CMIP: variants seen among roughly 807,000 people sequenced by gnomAD.
CMIP encodes C-Maf-inducing protein.
CMIP carries 13 observed loss-of-function variants against 97.3 expected under a neutral mutation model. That is an observed-to-expected ratio of 0.13 (90% CI 0.09 to 0.21). The LOEUF is 0.21. Ranked by LOEUF, CMIP falls within the 10% of genes least tolerant of loss-of-function variation. The probability of loss-of-function intolerance (pLI) is 1.00; values close to 1 mark genes in which losing one functional copy is unlikely to be tolerated. For synonymous variants in CMIP, 538 were observed against 436.3 expected (o/e 1.23, Z -2.91); for missense variants, 847 against 1,024.9 (o/e 0.83, Z 2.37).
chr16:81,489,611 G>C (rs894418592), intron 1 of CMIP, among the ~76,000 whole-genome samples: 1 of 152,170 alleles, frequency 6.6e-6, no homozygotes, highest in South Asian at 2.1e-4. Context: ...ACAGACCCAC[G>C]AGGCCACCAT....
At chr16:81,521,111 G>A (rs1369673172) in intron 1 of CMIP, among the ~76,000 whole-genome samples, 1 of 152,252 alleles carries the variant, frequency 6.6e-6, no homozygotes, top group Non-Finnish European at 1.5e-5. Context: ...TTGAGGAACA[G>A]GAGGAGGGCT....
intron 1 of CMIP, among the ~76,000 whole-genome samples, chr16:81,549,202 C>T (rs1175739983): frequency 6.6e-6 from 1 of 152,182 alleles, no homozygotes; most frequent in Non-Finnish European, 1.5e-5. Context: ...GAGGAGGGAG[C>T]CGGTCAACCT....
At chr16:81,446,599 C>T (rs530718353) in intron 1 of CMIP, among the ~76,000 whole-genome samples, 2 of 152,082 alleles carry the variant, frequency 1.3e-5, no homozygotes, top group Non-Finnish European at 2.9e-5. Context: ...TCCCTGGGGC[C>T]ACCGTGATCC....
At chr16:81,472,898 G>A (rs146619117) in intron 1 of CMIP, among the ~76,000 whole-genome samples, 1 of 152,150 alleles carries the variant, frequency 6.6e-6, no homozygotes, top group Non-Finnish European at 1.5e-5. Context: ...TGTTCCTTTC[G>A]GGGCTTGGCC....
intron 1 of CMIP, among the ~76,000 whole-genome samples, chr16:81,456,260 T>C (rs544647886): frequency 2.6e-4 from 39 of 152,314 alleles, no homozygotes; most frequent in African/African-American, 8.7e-4. Flanking sequence ...ATCATGACCA[T>C]TTCCTCCAGT....
chr16:81,494,010 G>C (rs965108528), intron 1 of CMIP, among the ~76,000 whole-genome samples: 2 of 152,218 alleles, frequency 1.3e-5, no homozygotes, highest in African/African-American at 4.8e-5. Flanking sequence ...AAAACAACCA[G>C]TGTGAGTATG....
At chr16:81,702,718 T>A (rs530604078) in intron 17 of CMIP, 49 bp downstream of exon 17, 42 of 1,567,626 alleles carry the variant, frequency 2.7e-5, no homozygotes, top group East Asian at 2.3e-4. Context: ...GGTGGGTTGG[T>A]CCTCTCTGTT....
Position 81,614,039 on chromosome 16 carries a change from C to T in CMIP, c.426+6347C>T, listed in dbSNP as rs1304981297. On this transcript the variant is annotated intron_variant, in intron 2 of 20. Coordinates refer to ENST00000537098, the MANE Select transcript of CMIP (RefSeq NM_198390.3). The surrounding 1 kb of genome is among the most constrained non-coding windows in gnomAD (Gnocchi z 5.3). ...CAGGCGATTCCAGGACAGTGTGATG[C>T]GTTAGGCGAGGCATTCTGGCCTGGT... 1.3e-5 allele frequency among the ~76,000 whole-genome samples: 2 copies of T among 152,158 alleles called. No homozygotes were observed. Among genetic ancestry groups the T allele is most frequent in the South Asian group, 2.1e-4 (1 of 4,828 alleles).
At chr16:81,633,070 G>C (rs930657673) in intron 3 of CMIP, among the ~76,000 whole-genome samples, 3 of 152,246 alleles carry the variant, frequency 2.0e-5, no homozygotes, top group African/African-American at 7.2e-5. Context: ...GCCATACAAG[G>C]AAGTTTTTCA....
At chr16:81,679,357 G>A (rs1197260483) in intron 10 of CMIP, among the ~76,000 whole-genome samples, 2 of 152,090 alleles carry the variant, frequency 1.3e-5, no homozygotes, top group African/African-American at 4.8e-5. Context: ...GCATGTGGGT[G>A]TAACCATTTG....
intron 7 of CMIP, chr16:81,664,968 G>A (rs146747600): frequency 6.5e-5 from 10 of 153,628 alleles, no homozygotes; most frequent in Admixed American, 3.9e-4. Flanking sequence ...TACCTGGCCA[G>A]TACTCCCCAC....
At chr16:81,601,447 C>T (rs1331535637) in intron 1 of CMIP, among the ~76,000 whole-genome samples, 2 of 152,160 alleles carry the variant, frequency 1.3e-5, no homozygotes, top group Non-Finnish European at 2.9e-5. Flanking sequence ...ATTCCCCACC[C>T]ACTCTGGAAG....
intron 1 of CMIP, among the ~76,000 whole-genome samples, chr16:81,581,650 G>A (rs1468412713): frequency 6.6e-6 from 1 of 152,170 alleles, no homozygotes; most frequent in Non-Finnish European, 1.5e-5. Flanking sequence ...CCTAGAAGGG[G>A]AATAGCCGAG....
chr16:81,504,623 A>G (rs530214532), intron 1 of CMIP, among the ~76,000 whole-genome samples: 3 of 143,670 alleles, frequency 2.1e-5, no homozygotes, highest in Non-Finnish European at 4.5e-5. Context: ...AGCCTCGGCG[A>G]CAGAGTGAGA....
intron 1 of CMIP, among the ~76,000 whole-genome samples, chr16:81,499,767 C>T (rs2089561643): frequency 6.6e-6 from 1 of 152,246 alleles, no homozygotes; most frequent in African/African-American, 2.4e-5. Flanking sequence ...CCAGCAGCGC[C>T]CTCTGAATCT....
chr16:81,491,838 A>G (rs2150767089), intron 1 of CMIP, among the ~76,000 whole-genome samples: 1 of 152,242 alleles, frequency 6.6e-6, no homozygotes, highest in East Asian at 1.9e-4. Context: ...CTTTTATGTC[A>G]TTACAGGCAC....
At chr16:81,504,530 C>T (rs928528164) in intron 1 of CMIP, among the ~76,000 whole-genome samples, 1 of 137,140 alleles carries the variant, frequency 7.3e-6, no homozygotes, top group Non-Finnish European at 1.6e-5. Flanking sequence ...GTAATCCCAG[C>T]TACTCGGGAG....
chr16:81,640,105 C>T (rs1314969501), intron 3 of CMIP, among the ~76,000 whole-genome samples: 1 of 152,182 alleles, frequency 6.6e-6, no homozygotes, highest in Non-Finnish European at 1.5e-5. Context: ...CCTCCTGTAG[C>T]CTCCTGGGTC....
chr16:81,463,695 C>A (rs1220850684), intron 1 of CMIP, among the ~76,000 whole-genome samples: 1 of 152,198 alleles, frequency 6.6e-6, no homozygotes, highest in Non-Finnish European at 1.5e-5. Context: ...TGGGCAGTGT[C>A]CCCGTGTTAC....
Sources: gnomAD v4.1 joint callset for allele counts (sites outside exome capture counted in the v4.1 genomes callset) on GRCh38, gnomAD v4.1.1 for gene constraint, Gnocchi (gnomAD v3.1) non-coding constraint, MANE v1.5 for transcripts, NCBI Gene and HGNC (gene_info 2026-07-23, HGNC 2026-07-21) for gene names.